Variants in PIAS2 observed in about 807,000 individuals in gnomAD.
PIAS2 encodes the protein E3 SUMO-protein ligase PIAS2.
Under a neutral mutation model 69.7 loss-of-function variants are expected in PIAS2, and 19 were observed. The observed-to-expected ratio is 0.27, with a 90% CI of 0.19 to 0.40. PIAS2 has a LOEUF of 0.40. PIAS2 is among the 10% of genes least tolerant of loss of function. The probability of loss-of-function intolerance (pLI) is 1.00; values close to 1 mark genes in which losing one functional copy is unlikely to be tolerated. For synonymous variants in PIAS2, 261 were observed against 263.2 expected, an observed-to-expected ratio of 0.99 and a Z score of 0.08; for missense variants, 624 against 757.0, an observed-to-expected ratio of 0.82 and a Z score of 2.06.
rs556213263 is a variant in PIAS2, at chr18:46,825,567, C to T, written c.1508+2392G>A. Reference sequence around the variant, plus strand: ...CTCCAGATTCCACTATTCACCTTCCCGTTCCCCTGCTCTGGCCATACTCAT... The same window carrying T: ...CTCCAGATTCCACTATTCACCTTCCTGTTCCCCTGCTCTGGCCATACTCAT... On this transcript the variant is annotated intron_variant, in intron 11 of 13. Transcript: ENST00000585916. Among the ~76,000 whole-genome samples the T allele has an allele frequency of 3.1e-4, 47 of 152,240 alleles. No homozygotes were observed. In the South Asian group the frequency reaches 6.0e-3, roughly 19 times the overall value.
intron 5 of PIAS2, among the ~76,000 whole-genome samples, chr18:46,850,475 T>C (rs1327512888): frequency 3.3e-5 from 5 of 152,292 alleles, no homozygotes; most frequent in Non-Finnish European, 5.9e-5. Context: ...GTATATTGCT[T>C]CCTCGAAGTA....
intron 9 of PIAS2, among the ~76,000 whole-genome samples, chr18:46,834,744 T>G (rs1410730675): frequency 6.6e-6 from 1 of 152,174 alleles, no homozygotes; most frequent in Admixed American, 6.5e-5. Flanking sequence ...CCTTCCAAAG[T>G]GCTGGGATGA....
At chr18:46,848,392 T>C (rs1003596671) in intron 5 of PIAS2, among the ~76,000 whole-genome samples, 1 of 152,196 alleles carries the variant, frequency 6.6e-6, no homozygotes, top group African/African-American at 2.4e-5. Context: ...AGTCACGCCA[T>C]GCCAATAACA....
intron 12 of PIAS2, chr18:46,817,126 TTTC>T (rs1461985859): frequency 4.2e-6 from 4 of 950,014 alleles, no homozygotes; most frequent in Middle Eastern, 5.3e-4. Flanking sequence ...GTTTTTCAGT[TTTC>T]TTCATTTTTA....
At chr18:46,915,835 C>T (rs887736662) in intron 1 of PIAS2, among the ~76,000 whole-genome samples, 1 of 150,910 alleles carries the variant, frequency 6.6e-6, no homozygotes, top group Admixed American at 6.6e-5. Context: ...ACATCTGTTA[C>T]TACACAAAAA....
chr18:46,900,344 C>A (rs2055613497), intron 1 of PIAS2, among the ~76,000 whole-genome samples: 1 of 150,752 alleles, frequency 6.6e-6, no homozygotes, highest in Admixed American at 6.6e-5. Context: ...GCCTAGGTGA[C>A]AGAGTGAGAC....
At chr18:46,903,235 C>T (rs576524589) in intron 1 of PIAS2, among the ~76,000 whole-genome samples, 17 of 149,672 alleles carry the variant, frequency 1.1e-4, no homozygotes, top group Non-Finnish European at 1.9e-4. Flanking sequence ...ACCTGTGCTA[C>T]GCAAAAGACC....
At chr18:46,881,334 TATTCTGATTAAATA>T (rs2052215011) in intron 2 of PIAS2, among the ~76,000 whole-genome samples, 1 of 152,224 alleles carries the variant, frequency 6.6e-6, no homozygotes, top group Non-Finnish European at 1.5e-5. Flanking sequence ...TTTTCTATTT[TATTCTGATTAAATA>T]AATCTGATTA....
intron 3 of PIAS2, among the ~76,000 whole-genome samples, chr18:46,859,939 G>A (rs973773391): frequency 1.3e-5 from 2 of 152,114 alleles, no homozygotes; most frequent in Non-Finnish European, 2.9e-5. Context: ...CTGAGAGCAT[G>A]GTTAAAAATA....
At chr18:46,855,476 T>G (rs751183245) in intron 4 of PIAS2, 41 bp from the exon 5 acceptor site, 2 of 1,574,672 alleles carry the variant, frequency 1.3e-6, no homozygotes, top group Admixed American at 3.4e-5. Flanking sequence ...AATAGTGTGC[T>G]CAAACATTCT....
At chr18:46,858,508 G>A (rs1260362683) in intron 3 of PIAS2, among the ~76,000 whole-genome samples, 3 of 152,122 alleles carry the variant, frequency 2.0e-5, no homozygotes, top group Non-Finnish European at 4.4e-5. Flanking sequence ...ACCAGGCTGG[G>A]CAACACAGCA....
At chr18:46,917,245 C>G in intron 1 of PIAS2, 77 bp downstream of exon 1, 1 of 1,416,754 alleles carries the variant, frequency 7.1e-7, no homozygotes, top group Admixed American at 2.6e-5. Context: ...GAGCAGGCGG[C>G]GGCCGGCGAC....
At position 46,818,568 on chromosome 18, in the gene PIAS2, T is replaced by C. The variant is rs1307744506; in HGVS notation, c.1648+2365A>G. The C allele has an allele frequency of 5.9e-6, 5 of 852,632 alleles. No homozygotes were observed. The African/African-American group carries it at 8.8e-5, about 15-fold the overall frequency. The allele number at this position is 852,632 out of a possible 1,614,324, so 52.8% of individuals were successfully genotyped here. ...AATATTTTATTATAAATTATTAAGT[T>C]TATCAATACCAAAACTCTTCACAGT... On this transcript the variant is annotated intron_variant, in intron 12 of 13. Transcript: ENST00000585916.
chr18:46,841,203 T>C (rs1199896036), intron 8 of PIAS2, among the ~76,000 whole-genome samples: 1 of 152,204 alleles, frequency 6.6e-6, no homozygotes, highest in East Asian at 1.9e-4. Context: ...GACATTACCT[T>C]CCTTTAGTCC....
intron 5 of PIAS2, among the ~76,000 whole-genome samples, chr18:46,850,416 G>A (rs954011411): frequency 6.6e-6 from 1 of 152,034 alleles, no homozygotes; most frequent in East Asian, 1.9e-4. Flanking sequence ...TGTTCTACTG[G>A]AGAAACCAGG....
Position 46,917,409 on chromosome 18 carries a change from G to T in PIAS2, c.-64C>A. The T allele has an allele frequency of 7.2e-7, 1 of 1,397,322 alleles. No individual in the cohort carries two copies. Among genetic ancestry groups the T allele is most frequent in the East Asian group, 3.3e-5 (1 of 30,702 alleles). 86.6% of individuals were successfully genotyped at this position (1,397,322 alleles called of 1,614,324 possible). ...ACCCACTCCCGCTGCCGCCAACGAC[G>T]CTGCCGCCACCACGGCCGCCGCCGC... On this transcript the variant is annotated 5_prime_UTR_variant, in exon 1 of 14. Coordinates refer to ENST00000585916, the MANE Select transcript of PIAS2 (RefSeq NM_004671.5).
At chr18:46,894,580 G>C (rs2054560828) in intron 1 of PIAS2, among the ~76,000 whole-genome samples, 1 of 152,088 alleles carries the variant, frequency 6.6e-6, no homozygotes, top group South Asian at 2.1e-4. Flanking sequence ...ATAATTAATT[G>C]TGTAAAAAGA....
chr18:46,856,487 C>G (rs1478603228), intron 3 of PIAS2, among the ~76,000 whole-genome samples: 1 of 152,092 alleles, frequency 6.6e-6, no homozygotes. Context: ...ATTAAAGATA[C>G]AGAACCTCTT....
chr18:46,821,133 G>C, intron 11 of PIAS2, 61 bp from the exon 12 acceptor site: 1 of 1,562,326 alleles, frequency 6.4e-7, no homozygotes, highest in Non-Finnish European at 8.8e-7. Flanking sequence ...GGAGAGAAGA[G>C]CTGCACCACT....
Sources: gnomAD v4.1 joint callset for allele counts (sites outside exome capture counted in the v4.1 genomes callset) on GRCh38, gnomAD v4.1.1 for gene constraint, MANE v1.5 for transcripts, NCBI Gene and HGNC (gene_info 2026-07-23, HGNC 2026-07-21) for gene names.